RALYL: variants seen among roughly 807,000 people sequenced by gnomAD.
The protein encoded by RALYL is RNA-binding Raly-like protein.
In RALYL, 29 loss-of-function variants were observed where a neutral mutation model predicts 35.1. The observed-to-expected ratio is 0.83, with a 90% confidence interval of 0.61 to 1.13. The LOEUF is 1.13. RALYL is among the 50% of genes most tolerant of loss of function. The pLI, the probability that RALYL is intolerant of heterozygous loss-of-function variation, is 0.00. For missense variants in RALYL, 359 were observed against 360.4 expected (o/e 1.00, Z 0.03); for synonymous variants, 120 against 127.6 (o/e 0.94, Z 0.40).
intron 2 of RALYL, among the ~76,000 whole-genome samples, chr8:84,689,081 T>A (rs894311056): frequency 6.6e-4 from 100 of 152,052 alleles, no homozygotes; most frequent in African/African-American, 1.6e-3. Flanking sequence ...TTTTTTTTTT[T>A]AAATTTATTA....
chr8:84,306,485 C>T (rs1841841754), intron 1 of RALYL, among the ~76,000 whole-genome samples: 1 of 152,186 alleles, frequency 6.6e-6, no homozygotes. Context: ...CCTGATCCCT[C>T]TTCAGGGCCA....
intron 4 of RALYL, among the ~76,000 whole-genome samples, chr8:84,826,279 A>G (rs928627618): frequency 7.2e-6 from 1 of 139,506 alleles, no homozygotes; most frequent in African/African-American, 2.8e-5. Flanking sequence ...CTACACATGT[A>G]TCCCCTGAAT....
At chr8:84,210,101 A>G (rs1819097135) in intron 1 of RALYL, among the ~76,000 whole-genome samples, 1 of 152,128 alleles carries the variant, frequency 6.6e-6, no homozygotes, top group Non-Finnish European at 1.5e-5. Context: ...GATTGACAGT[A>G]CACAGCTCAA....
intron 2 of RALYL, among the ~76,000 whole-genome samples, chr8:84,603,215 G>A (rs1468904197): frequency 3.3e-5 from 5 of 151,950 alleles, no homozygotes; most frequent in African/African-American, 1.2e-4. Context: ...GAATGAGAAA[G>A]GTGGTGTTAA....
At chr8:84,295,778 C>G (rs1269077407) in intron 1 of RALYL, among the ~76,000 whole-genome samples, 1 of 152,114 alleles carries the variant, frequency 6.6e-6, no homozygotes, top group Non-Finnish European at 1.5e-5. Flanking sequence ...GTGAGGAAAT[C>G]TCTCAGAATT....
At chr8:84,604,808 G>A (rs1169622680) in intron 2 of RALYL, among the ~76,000 whole-genome samples, 1 of 152,096 alleles carries the variant, frequency 6.6e-6, no homozygotes, top group Admixed American at 6.6e-5. Context: ...AGAAGACGAA[G>A]AATGCTCTGT....
intron 1 of RALYL, among the ~76,000 whole-genome samples, chr8:84,254,315 G>A (rs769575454): frequency 1.8e-4 from 27 of 152,092 alleles, no homozygotes; most frequent in African/African-American, 9.7e-5. Context: ...TGTTCAAATT[G>A]TTGGTACCAC....
intron 1 of RALYL, among the ~76,000 whole-genome samples, chr8:84,324,143 G>A (rs910455142): frequency 6.6e-6 from 1 of 152,026 alleles, no homozygotes; most frequent in Non-Finnish European, 1.5e-5. Flanking sequence ...ATCTTAGAAG[G>A]TCTCTTTATT....
intron 3 of RALYL, among the ~76,000 whole-genome samples, chr8:84,787,896 TC>T (rs1205108097): frequency 6.6e-6 from 1 of 152,162 alleles, no homozygotes; most frequent in African/African-American, 2.4e-5. Flanking sequence ...TTGTTTAAGT[TC>T]TTTGTAGATT....
chr8:84,517,405 T>C (rs2058147265), intron 1 of RALYL, among the ~76,000 whole-genome samples: 2 of 152,134 alleles, frequency 1.3e-5, no homozygotes, highest in Non-Finnish European at 2.9e-5. Context: ...ACAAGGTAAA[T>C]ATCAACCAAG....
At chr8:84,527,289 T>G (rs2058972019) in intron 1 of RALYL, among the ~76,000 whole-genome samples, 1 of 152,174 alleles carries the variant, frequency 6.6e-6, no homozygotes, top group African/African-American at 2.4e-5. Context: ...GAGTCCAAGA[T>G]AGCATGTTGA....
chr8:84,242,356 C>A lies in RALYL; in HGVS notation c.-24+57932C>A, dbSNP rs117517156. Reference sequence around the variant, plus strand: ...GATTTCTATTCATTTGGGTATATACCCAATAACAGAATTGCTGTGTCAGAT... The same window carrying A: ...GATTTCTATTCATTTGGGTATATACACAATAACAGAATTGCTGTGTCAGAT... On this transcript the variant is annotated intron_variant, in intron 1 of 8. Transcript: ENST00000521268. 4.9e-3 allele frequency among the ~76,000 whole-genome samples: 745 copies of A among 152,004 alleles called. 3 individuals carry two copies. Among genetic ancestry groups the A allele is most frequent in the Middle Eastern group, 0.01 (3 of 294 alleles).
At chr8:84,502,207 A>G (rs539000466) in intron 1 of RALYL, among the ~76,000 whole-genome samples, 16 of 152,132 alleles carry the variant, frequency 1.1e-4, no homozygotes, top group African/African-American at 2.9e-4. Context: ...CAATTAGCAT[A>G]ATCTTTACAT....
At chr8:84,583,256 G>C (rs1233025593) in intron 2 of RALYL, among the ~76,000 whole-genome samples, 1 of 152,130 alleles carries the variant, frequency 6.6e-6, no homozygotes, top group East Asian at 1.9e-4. Flanking sequence ...TTTGAGATTG[G>C]TGAGTTGGAA....
intron 2 of RALYL, among the ~76,000 whole-genome samples, chr8:84,548,778 T>C (rs2060525571): frequency 6.6e-6 from 1 of 152,172 alleles, no homozygotes; most frequent in African/African-American, 2.4e-5. Context: ...TTTGAGCCAT[T>C]TTTTCTCTTT....
In RALYL at chr8:84,209,928, G is replaced by A. The variant is rs146723787; in HGVS notation, c.-24+25504G>A. Among the ~76,000 whole-genome samples the A allele has an allele frequency of 6.8e-4, 103 of 152,100 alleles. 1 individual carries two copies. In the East Asian group the frequency reaches 0.016, roughly 24 times the overall value. The stretch of plus-strand genomic sequence containing the variant: ...ACTGCTTCTATGTATTTTTCATTTC[G>A]TATTTACTCCTCTTTGGCTGACAAC... On this transcript the variant is annotated intron_variant, in intron 1 of 8. Coordinates refer to ENST00000521268, the MANE Select transcript of RALYL (RefSeq NM_173848.7).
At chr8:84,519,471 T>C (rs2058300701) in intron 1 of RALYL, among the ~76,000 whole-genome samples, 1 of 152,176 alleles carries the variant, frequency 6.6e-6, no homozygotes, top group Non-Finnish European at 1.5e-5. Flanking sequence ...GATTGGTGTC[T>C]TCTCTAAGTA....
At chr8:84,606,833 TTATA>T (rs1001581521) in intron 2 of RALYL, among the ~76,000 whole-genome samples, 1 of 152,124 alleles carries the variant, frequency 6.6e-6, no homozygotes, top group Non-Finnish European at 1.5e-5. Context: ...TTTAAGGTCT[TTATA>T]TAAGGGAAAA....
chr8:84,610,700 T>C (rs1045771589), intron 2 of RALYL, among the ~76,000 whole-genome samples: 13 of 152,136 alleles, frequency 8.5e-5, no homozygotes, highest in Admixed American at 5.2e-4. Flanking sequence ...CATTTATAAG[T>C]TTATTAAACC....
Sources: gnomAD v4.1 joint callset for allele counts (sites outside exome capture counted in the v4.1 genomes callset) on GRCh38, gnomAD v4.1.1 for gene constraint, MANE v1.5 for transcripts, NCBI Gene and HGNC (gene_info 2026-07-23, HGNC 2026-07-21) for gene names.